Variants in KLHL29 observed in about 807,000 individuals in gnomAD.
KLHL29 encodes the protein kelch like family member 29, also known as kelch-like protein 29.
KLHL29 carries 21 observed loss-of-function variants against 80.4 expected under a neutral mutation model. The observed-to-expected ratio is 0.26, with a 90% CI of 0.19 to 0.38. The LOEUF (loss-of-function observed/expected upper bound fraction) is 0.38. Ranked by LOEUF, KLHL29 falls within the 10% of genes least tolerant of loss-of-function variation. KLHL29 has a pLI of 1.00. For synonymous variants in KLHL29, 511 were observed against 526.8 expected (o/e 0.97, Z 0.41); for missense variants, 867 against 1,223.9 (o/e 0.71, Z 4.35).
chr2:23,600,274 A>G (rs1270870568), intron 3 of KLHL29, among the ~76,000 whole-genome samples: 1 of 152,192 alleles, frequency 6.6e-6, no homozygotes, highest in African/African-American at 2.4e-5. Context: ...ACTCAGCATA[A>G]TGAATTATGG....
intron 5 of KLHL29, among the ~76,000 whole-genome samples, chr2:23,674,463 C>T (rs1376477203): frequency 2.0e-5 from 3 of 152,130 alleles, no homozygotes; most frequent in African/African-American, 7.2e-5. Context: ...GCCCTGACCC[C>T]AGGGCACTCA....
intron 3 of KLHL29, among the ~76,000 whole-genome samples, chr2:23,630,257 G>A (rs960040554): frequency 6.6e-6 from 1 of 152,166 alleles, no homozygotes; most frequent in Non-Finnish European, 1.5e-5. Flanking sequence ...GCCGTGGCCG[G>A]TGTGCTTGCA....
intron 5 of KLHL29, among the ~76,000 whole-genome samples, chr2:23,648,734 C>A (rs928015526): frequency 3.9e-5 from 6 of 152,248 alleles, no homozygotes; most frequent in Non-Finnish European, 8.8e-5. Flanking sequence ...CAAAAGAATT[C>A]TCTGGCTCCT....
At chr2:23,547,988 C>T (rs1191955816) in intron 2 of KLHL29, among the ~76,000 whole-genome samples, 10 of 152,026 alleles carry the variant, frequency 6.6e-5, no homozygotes, top group Admixed American at 3.9e-4. Context: ...GGCCTGTGTG[C>T]GTGGCCACAT....
rs1666105716 is a variant in KLHL29 at position 23,521,578 on chromosome 2, G to T, written c.-45-40574G>T. On this transcript the variant is annotated intron_variant, in intron 2 of 13. Transcript: ENST00000486442. ...AGCCACTCCTCTCTGCCTCCTCCCT[G>T]GTGTCTATTGATGTCTCTGCAGGGA... Among the ~76,000 whole-genome samples the T allele has an allele frequency of 3.3e-5, 5 of 152,250 alleles. No individual in the cohort carries two copies. In the South Asian group the frequency reaches 1.0e-3, roughly 32 times the overall value.
At chr2:23,597,257 T>A (rs1236122131) in intron 3 of KLHL29, among the ~76,000 whole-genome samples, 1 of 137,384 alleles carries the variant, frequency 7.3e-6, no homozygotes, top group Non-Finnish European at 1.5e-5. Context: ...GCTACGTGTC[T>A]GTTCACCCAT....
chr2:23,630,290 A>G (rs770631930), intron 3 of KLHL29, among the ~76,000 whole-genome samples: 16 of 152,168 alleles, frequency 1.1e-4, no homozygotes, highest in East Asian at 1.9e-4. Flanking sequence ...GGGCTTTAGT[A>G]TTATCCTGAT....
At chr2:23,507,154 C>T (rs533350215) in intron 2 of KLHL29, 6 of 425,254 alleles carry the variant, frequency 1.4e-5, no homozygotes, top group East Asian at 7.8e-5. Flanking sequence ...CTGTTGGTGG[C>T]GCTCACTCCC....
intron 2 of KLHL29, among the ~76,000 whole-genome samples, chr2:23,510,767 C>T: frequency 6.6e-6 from 1 of 152,132 alleles, no homozygotes; most frequent in South Asian, 2.1e-4. Flanking sequence ...GATCCCAAGG[C>T]TGGGCAGGTG....
intron 3 of KLHL29, among the ~76,000 whole-genome samples, chr2:23,620,163 G>A (rs1338381979): frequency 6.6e-6 from 1 of 152,152 alleles, no homozygotes; most frequent in African/African-American, 2.4e-5. Flanking sequence ...TGTGGAGATT[G>A]GACGCAGCAA....
intron 1 of KLHL29, among the ~76,000 whole-genome samples, chr2:23,418,119 GAC>G (rs1662647174): frequency 6.6e-6 from 1 of 152,220 alleles, no homozygotes; most frequent in Non-Finnish European, 1.5e-5. Flanking sequence ...AATGAATCCA[GAC>G]ACACCTTCCA....
Position 23,562,411 on chromosome 2 carries a change from C to A in KLHL29, c.215C>A (p.Pro72His). The A allele has an allele frequency of 6.5e-7, 1 of 1,538,224 alleles. No individual in the cohort carries two copies. ...RLPTPATAPA[P>H]CTTGSSEAIT... ...CCCACCCCGGCTACAGCTCCTGCTC[C>A]CTGCACCACCGGCAGCAGCGAGGCC... The change falls in exon 3 of 14, where the codon CCC becomes CAC. Residue 72 changes from proline to histidine, a missense_variant. Around this residue, in one of 2 missense-constraint regions of KLHL29, gnomAD observed 424 missense variants for 456.9 expected, o/e 0.93. Coordinates refer to ENST00000486442, the MANE Select transcript of KLHL29 (RefSeq NM_052920.2). The surrounding 1 kb of genome is among the most constrained non-coding windows in gnomAD (Gnocchi z 4.5).
intron 5 of KLHL29, among the ~76,000 whole-genome samples, chr2:23,652,580 C>CTCCA (rs1252101198): frequency 6.6e-6 from 1 of 152,192 alleles, no homozygotes; most frequent in East Asian, 1.9e-4. Flanking sequence ...CCTGGTCATG[C>CTCCA]TCCAGCCTGT....
intron 1 of KLHL29, among the ~76,000 whole-genome samples, chr2:23,389,726 A>G (rs1177190106): frequency 1.3e-5 from 2 of 152,138 alleles, no homozygotes; most frequent in African/African-American, 2.4e-5. Flanking sequence ...ATGTTTAAAC[A>G]GATAAATCAT....
chr2:23,508,913 C>T (rs1665688337), intron 2 of KLHL29, among the ~76,000 whole-genome samples: 1 of 152,198 alleles, frequency 6.6e-6, no homozygotes, highest in South Asian at 2.1e-4. Flanking sequence ...GGTTTCAATC[C>T]TGGCTCTGTC....
chr2:23,672,983 A>G (rs1670810905), intron 5 of KLHL29, among the ~76,000 whole-genome samples: 1 of 152,186 alleles, frequency 6.6e-6, no homozygotes, highest in African/African-American at 2.4e-5. Context: ...TTTCAGTGTC[A>G]GAGACAAAGC....
intron 1 of KLHL29, among the ~76,000 whole-genome samples, chr2:23,417,331 A>G (rs1667000650): frequency 6.6e-6 from 1 of 152,218 alleles, no homozygotes; most frequent in Non-Finnish European, 1.5e-5. Context: ...ATTTGGGGAT[A>G]CACGTTTGTT....
At chr2:23,395,927 A>G (rs1666442747) in intron 1 of KLHL29, among the ~76,000 whole-genome samples, 1 of 152,154 alleles carries the variant, frequency 6.6e-6, no homozygotes, top group African/African-American at 2.4e-5. Context: ...GCAAGGTAGG[A>G]CCACATTTTC....
At position 23,642,431 on chromosome 2, in the gene KLHL29, C is replaced by A; in HGVS notation, c.521C>A (p.Pro174Gln). The part of the protein sequence containing the change: ...YGVAQPPTFS[P>Q]AVNVQAPVIG... Reference sequence around the variant, plus strand: ...GTGGCCCAGCCTCCCACCTTCAGCCCGGCTGTGAACGTCCAGGCCCCGGTC... The same window carrying A: ...GTGGCCCAGCCTCCCACCTTCAGCCAGGCTGTGAACGTCCAGGCCCCGGTC... The change falls in exon 5 of 14, where the codon CCG becomes CAG. Residue 174 changes from proline to glutamine, a missense_variant. Transcript: ENST00000486442. 2.0e-6 allele frequency: 3 copies of A among 1,495,396 alleles called. No individual in the cohort carries two copies. The highest frequency in any genetic ancestry group is 1.8e-6 in the Non-Finnish European group (2 of 1,116,796). The allele number at this position is 1,495,396 out of a possible 1,614,324, so 92.6% of individuals were successfully genotyped here.
Sources: gnomAD v4.1 joint callset for allele counts (sites outside exome capture counted in the v4.1 genomes callset) on GRCh38, gnomAD v4.1.1 for gene constraint, gnomAD v4.1.1 regional missense constraint, Gnocchi (gnomAD v3.1) non-coding constraint, MANE v1.5 for transcripts, NCBI Gene and HGNC (gene_info 2026-07-23, HGNC 2026-07-21) for gene names.